NEK10: variants seen among roughly 807,000 people sequenced by gnomAD.
NEK10 encodes the protein NIMA related kinase 10.
Under a neutral mutation model 159.8 loss-of-function variants are expected in NEK10, and 122 were observed. The ratio of observed to expected loss-of-function variants is 0.76; its 90% confidence interval spans 0.66 to 0.89. The LOEUF (loss-of-function observed/expected upper bound fraction) is 0.89, where lower values mean the gene tolerates loss of function less well. NEK10 is among the 40% of genes least tolerant of loss of function. The pLI is 0.00. For missense variants in NEK10, 1,342 were observed against 1,323.1 expected (o/e 1.01, Z -0.22); for synonymous variants, 466 against 457.1 (o/e 1.02, Z -0.25).
chr3:27,343,775 C>T (rs949363055), intron 5 of NEK10, among the ~76,000 whole-genome samples: 1 of 152,160 alleles, frequency 6.6e-6, no homozygotes, highest in Non-Finnish European at 1.5e-5. Flanking sequence ...ACAGTCCCAA[C>T]ACTGCACCTG....
intron 1 of NEK10, among the ~76,000 whole-genome samples, chr3:27,364,351 TG>T (rs2048901736): frequency 2.1e-3 from 1 of 470 alleles, no homozygotes; most frequent in African/African-American, 9.1e-3. Flanking sequence ...TGGCTAATTG[TG>T]TGTGTGTGTG....
At chr3:27,292,571 C>A (rs1267820695) in intron 16 of NEK10, among the ~76,000 whole-genome samples, 2 of 151,990 alleles carry the variant, frequency 1.3e-5, no homozygotes, top group Non-Finnish European at 2.9e-5. Flanking sequence ...TGGTGGCTCA[C>A]GCCTGTAATC....
At chr3:27,240,252 C>T (rs925773537) in intron 23 of NEK10, among the ~76,000 whole-genome samples, 10 of 152,056 alleles carry the variant, frequency 6.6e-5, no homozygotes, top group Non-Finnish European at 1.5e-4. Context: ...GATCCAACAG[C>T]CTTGAAATTT....
intron 23 of NEK10, among the ~76,000 whole-genome samples, chr3:27,240,776 C>T (rs573913129): frequency 5.9e-5 from 9 of 151,990 alleles, no homozygotes; most frequent in Admixed American, 1.3e-4. Context: ...CTCAGCCTCC[C>T]GAGTAGATGA....
rs140809354 is a variant in NEK10 at position 27,133,637 on chromosome 3, G to A, written c.2971-1647C>T. On this transcript the variant is annotated intron_variant, in intron 31 of 35. Transcript: ENST00000691995. ...TAAAAATACAAAATTAGCCGGGCAT[G>A]GTGGTGCATGCCTGTAATCCCAGCT... is the stretch of plus-strand genomic sequence containing the variant. Among the ~76,000 whole-genome samples the A allele has an allele frequency of 1.3e-3, 193 of 152,208 alleles. 1 individual carries two copies. Among genetic ancestry groups the A allele is most frequent in the African/African-American group, 4.3e-3 (178 of 41,524 alleles).
intron 30 of NEK10, chr3:27,162,273 C>T: frequency 3.9e-6 from 4 of 1,031,508 alleles, no homozygotes; most frequent in Non-Finnish European, 5.4e-6. Context: ...TTTCAACCAA[C>T]AGTGAACACA....
At chr3:27,344,669 TA>T (rs1293605481) in intron 4 of NEK10, among the ~76,000 whole-genome samples, 2 of 152,318 alleles carry the variant, frequency 1.3e-5, no homozygotes, top group Non-Finnish European at 2.9e-5. Context: ...CACTAATGGC[TA>T]AAATTGGTTG....
chr3:27,308,181 C>T (rs867862783), intron 10 of NEK10, among the ~76,000 whole-genome samples: 7 of 152,226 alleles, frequency 4.6e-5, no homozygotes, highest in Middle Eastern at 3.4e-3. Flanking sequence ...AGGATAAGTG[C>T]CGAGCCAAGG....
chr3:27,136,194 G>A lies in NEK10; in HGVS notation c.2971-4204C>T, dbSNP rs1943188673. Among the ~76,000 whole-genome samples, 5 of 137,010 alleles carry A rather than the reference G, an allele frequency of 3.6e-5. No individual in the cohort carries two copies. The Admixed American group carries it at 4.2e-4, about 11-fold the overall frequency. The allele number at this position is 137,010 out of a possible 152,430, so 89.9% of individuals were successfully genotyped here. ...GTGGCGCCATCTCATCTCACTGCAA[G>A]CTCCACCTCCCAGGTTCACGCCACT... On this transcript the variant is annotated intron_variant, in intron 31 of 35. Coordinates refer to ENST00000691995, the MANE Select transcript of NEK10 (RefSeq NM_001394966.1).
intron 29 of NEK10, among the ~76,000 whole-genome samples, chr3:27,164,706 C>T (rs1946325347): frequency 6.6e-6 from 1 of 152,148 alleles, no homozygotes; most frequent in South Asian, 2.1e-4. Flanking sequence ...TGTCTTCATA[C>T]ATTTATTACA....
chr3:27,186,369 T>C (rs999957183), intron 26 of NEK10, among the ~76,000 whole-genome samples: 10 of 152,158 alleles, frequency 6.6e-5, no homozygotes, highest in African/African-American at 2.4e-4. Context: ...AAGAAGGATA[T>C]AATAGATGCA....
chr3:27,152,098 A>T (rs1240436628), intron 30 of NEK10, among the ~76,000 whole-genome samples: 13 of 152,224 alleles, frequency 8.5e-5, no homozygotes, highest in Admixed American at 3.3e-4. Context: ...AACAATTCCT[A>T]GCCTTGCTAG....
chr3:27,141,146 C>T lies in NEK10; in HGVS notation c.2970+336G>A, dbSNP rs187268086. On this transcript the variant is annotated intron_variant, in intron 31 of 35. Transcript: ENST00000691995. ...ATTAATGTGTGGGCACTATTTTCCT[C>T]TTTCTTTCTTAGAGTAAAGCTGCTT... is the stretch of plus-strand genomic sequence containing the variant. 3.1e-3 allele frequency among the ~76,000 whole-genome samples: 473 copies of T among 152,288 alleles called. 1 individual carries two copies. Among genetic ancestry groups the T allele is most frequent in the Admixed American group, 6.5e-3 (100 of 15,288 alleles).
chr3:27,111,188 A>G lies in NEK10; in HGVS notation c.*84T>C. On this transcript the variant is annotated 3_prime_UTR_variant, in exon 36 of 36. Transcript: ENST00000691995. ...TTTCCACACCCTCTAGCAGCACCCA[A>G]TCCTTGGGCATCTTGCAATAGCGGC... is the stretch of plus-strand genomic sequence containing the variant. 5 of 1,330,762 alleles carry G rather than the reference A, an allele frequency of 3.8e-6. No homozygotes were observed. Among genetic ancestry groups the G allele is most frequent in the Non-Finnish European group, 4.3e-6 (4 of 931,126 alleles). The allele number at this position is 1,330,762 out of a possible 1,614,324, so 82.4% of individuals were successfully genotyped here.
chr3:27,280,591 G>A (rs2042085788), intron 22 of NEK10, among the ~76,000 whole-genome samples: 1 of 152,128 alleles, frequency 6.6e-6, no homozygotes, highest in Non-Finnish European at 1.5e-5. Flanking sequence ...CATACCCCCA[G>A]GCAAGATACT....
intron 22 of NEK10, among the ~76,000 whole-genome samples, chr3:27,279,383 C>T (rs1260989507): frequency 1.3e-5 from 2 of 152,178 alleles, no homozygotes; most frequent in Non-Finnish European, 2.9e-5. Context: ...TGGTGACATG[C>T]TTTCACACCC....
At chr3:27,132,840 C>A (rs897752783) in intron 31 of NEK10, among the ~76,000 whole-genome samples, 3 of 151,652 alleles carry the variant, frequency 2.0e-5, no homozygotes, top group African/African-American at 7.3e-5. Flanking sequence ...GAAAGAGGAA[C>A]CAGTCAGAAA....
intron 31 of NEK10, among the ~76,000 whole-genome samples, chr3:27,134,815 AT>A (rs1295424592): frequency 6.6e-6 from 1 of 152,230 alleles, no homozygotes; most frequent in Non-Finnish European, 1.5e-5. Context: ...TGACTCATGC[AT>A]AGTTTAATTG....
At chr3:27,179,691 C>T (rs980887729) in intron 26 of NEK10, among the ~76,000 whole-genome samples, 3 of 152,196 alleles carry the variant, frequency 2.0e-5, no homozygotes, top group African/African-American at 7.2e-5. Flanking sequence ...TCCAAGACAG[C>T]AGACTAACAT....
Sources: allele counts gnomAD v4.1 joint callset (sites outside exome capture counted in the v4.1 genomes callset), GRCh38; gene constraint gnomAD v4.1.1; transcripts MANE v1.5; gene names NCBI Gene and HGNC (gene_info 2026-07-23, HGNC 2026-07-21).